GLYATL1: variants seen among roughly 807,000 people sequenced by gnomAD.
GLYATL1 encodes glycine N-acyltransferase-like protein 1.
A neutral mutation model predicts 20.0 loss-of-function variants in GLYATL1; 15 were observed. The ratio of observed to expected loss-of-function variants is 0.75; its 90% CI spans 0.50 to 1.15. The LOEUF (loss-of-function observed/expected upper bound fraction) is 1.15, where lower values mean the gene tolerates loss of function less well. GLYATL1 is among the 50% of genes most tolerant of loss of function. The probability of loss-of-function intolerance (pLI) is 0.00; values close to 1 mark genes in which losing one functional copy is unlikely to be tolerated. For missense variants in GLYATL1, 380 were observed against 368.5 expected (o/e 1.03, Z -0.26); for synonymous variants, 151 against 131.5 (o/e 1.15, Z -1.01).
chr11:58,911,685 T>A (rs1210925904), downstream of GLYATL1, among the ~76,000 whole-genome samples: 1 of 152,356 alleles, frequency 6.6e-6, no homozygotes, highest in East Asian at 1.9e-4. Context: ...TGAGAGGGCT[T>A]TACATATTTT....
intron 4 of GLYATL1, among the ~76,000 whole-genome samples, chr11:58,950,142 T>G (rs1306224393): frequency 3.6e-5 from 2 of 55,512 alleles, no homozygotes; most frequent in African/African-American, 1.4e-4. Context: ...AAAAAAAAAA[T>G]TAGCCGGGCG....
Position 58,948,028 on chromosome 11 carries a change from G to T in GLYATL1, c.186+63G>T, listed in dbSNP as rs866510069. The T allele has an allele frequency of 3.6e-5, 38 of 1,049,302 alleles. 1 individual carries two copies. The Middle Eastern group carries it at 1.2e-3, about 33-fold the overall frequency. 65.0% of individuals were successfully genotyped at this position (1,049,302 alleles called of 1,614,324 possible). A position where few individuals can be genotyped will look rare whatever the true frequency, so the allele number is the denominator to read the frequency against. On this transcript the variant is annotated intron_variant, in intron 4 of 6. Transcript: ENST00000532726. Reference sequence around the variant, plus strand: ...TCCACAGGGCCTGAGGAACTGACCAGTTCAGACACCATGGCTGCTTTTATA... The same window carrying T: ...TCCACAGGGCCTGAGGAACTGACCATTTCAGACACCATGGCTGCTTTTATA...
At chr11:58,914,432 A>C (rs752878120) in intron 1 of GLYATL1, among the ~76,000 whole-genome samples, 2 of 152,178 alleles carry the variant, frequency 1.3e-5, no homozygotes, top group Non-Finnish European at 2.9e-5. Flanking sequence ...TGGCTCCCCA[A>C]AGACAGGTCT....
upstream of GLYATL1, among the ~76,000 whole-genome samples, chr11:58,937,356 G>T (rs567975280): frequency 2.0e-5 from 3 of 152,290 alleles, no homozygotes; most frequent in Non-Finnish European, 4.4e-5. Flanking sequence ...AGCATTGCTG[G>T]GGAACCACAG....
exon 2 of GLYATL1, chr11:58,908,489 G>C (rs1232736493): frequency 4.8e-6 from 1 of 208,946 alleles, no homozygotes; most frequent in Non-Finnish European, 1.1e-5. Context: ...AAGACTGAAG[G>C]GAACAAGTCA....
At chr11:58,913,022 G>A (rs1855088157), downstream of GLYATL1, among the ~76,000 whole-genome samples, 4 of 152,300 alleles carry the variant, frequency 2.6e-5, no homozygotes, top group South Asian at 8.3e-4. Flanking sequence ...CATACAGAAT[G>A]GTGAGTACAC....
upstream of GLYATL1, chr11:58,935,383 C>T (rs1189780578): frequency 6.6e-6 from 1 of 152,214 alleles, no homozygotes; most frequent in Non-Finnish European, 1.5e-5. Context: ...GAGATTGCCT[C>T]TCTCTGTGCC....
chr11:58,943,630 G>T lies in GLYATL1; in HGVS notation c.-79G>T, dbSNP rs1047399764. 6.2e-7 allele frequency: 1 copy of T among 1,613,540 alleles called. No individual in the cohort carries two copies. Among genetic ancestry groups the T allele is most frequent in the Non-Finnish European group, 8.5e-7 (1 of 1,179,624 alleles). ...CGGAAGGTACCTGCAGGATCCAATT[G>T]TGTCCATTGATCTCTCAGAGTGGCT... On this transcript the variant is annotated 5_prime_UTR_variant, in exon 2 of 7. Coordinates refer to ENST00000532726, the MANE Select transcript of GLYATL1 (RefSeq NM_001389712.2).
chr11:58,952,705 C>CCTTT (rs1481913376), intron 4 of GLYATL1, among the ~76,000 whole-genome samples: 1 of 152,138 alleles, frequency 6.6e-6, no homozygotes, highest in Non-Finnish European at 1.5e-5. Context: ...TAACCCAGCC[C>CCTTT]CTTTTACTCC....
chr11:58,929,889 GC>G (rs1225152484), intron 1 of GLYATL1, among the ~76,000 whole-genome samples: 1 of 152,168 alleles, frequency 6.6e-6, no homozygotes, highest in African/African-American at 2.4e-5. Flanking sequence ...ATGGCCTAGA[GC>G]CTCTCTTCAG....
intron 1 of GLYATL1, among the ~76,000 whole-genome samples, chr11:58,940,070 T>C (rs1195602830): frequency 6.6e-6 from 1 of 152,198 alleles, no homozygotes; most frequent in African/African-American, 2.4e-5. Flanking sequence ...ACTGACACTC[T>C]TTTGTAACAC....
intron 1 of GLYATL1, among the ~76,000 whole-genome samples, chr11:58,915,128 T>C (rs1229428560): frequency 6.6e-6 from 1 of 152,248 alleles, no homozygotes; most frequent in Non-Finnish European, 1.5e-5. Context: ...CTCTAAATTC[T>C]GCTGATTCAA....
At chr11:58,944,646 C>G (rs1856435972) in intron 2 of GLYATL1, among the ~76,000 whole-genome samples, 1 of 152,064 alleles carries the variant, frequency 6.6e-6, no homozygotes, top group African/African-American at 2.4e-5. Context: ...TGTCCACATG[C>G]AAACATAATT....
downstream of GLYATL1, among the ~76,000 whole-genome samples, chr11:58,913,486 G>T (rs949707876): frequency 6.6e-6 from 1 of 152,208 alleles, no homozygotes; most frequent in Non-Finnish European, 1.5e-5. Context: ...CAGCACAGTG[G>T]TGAGTACATA....
upstream of GLYATL1, chr11:58,935,425 A>G (rs1224214058): frequency 6.6e-6 from 1 of 152,232 alleles, no homozygotes; most frequent in African/African-American, 2.4e-5. Context: ...GGGGTGACAC[A>G]GGAAATGAAA....
At chr11:58,932,613 T>C (rs1855652980) in intron 1 of GLYATL1, among the ~76,000 whole-genome samples, 1 of 152,236 alleles carries the variant, frequency 6.6e-6, no homozygotes, top group Non-Finnish European at 1.5e-5. Flanking sequence ...CAGTTGATTC[T>C]TCAGTGAATT....
At chr11:58,909,085 T>C (rs747365420), downstream of GLYATL1, among the ~76,000 whole-genome samples, 13 of 152,136 alleles carry the variant, frequency 8.5e-5, no homozygotes, top group Non-Finnish European at 1.8e-4. Context: ...TAATACTAAA[T>C]TGAGACATAA....
Position 58,943,599 on chromosome 11 carries a change from T to A in GLYATL1, c.-110T>A. Reference sequence around the variant, plus strand: ...TTCTAGTATCCCCAGGAGCGCGAAGTGAACACGGAAGGTACCTGCAGGATC... The same window carrying A: ...TTCTAGTATCCCCAGGAGCGCGAAGAGAACACGGAAGGTACCTGCAGGATC... On this transcript the variant is annotated 5_prime_UTR_variant, in exon 2 of 7. Transcript: ENST00000532726. The A allele has an allele frequency of 6.2e-7, 1 of 1,613,606 alleles. No individual in the cohort carries two copies. Among genetic ancestry groups the A allele is most frequent in the Non-Finnish European group, 8.5e-7 (1 of 1,179,580 alleles).
chr11:58,927,986 A>T (rs1452124176), intron 1 of GLYATL1, among the ~76,000 whole-genome samples: 4 of 152,128 alleles, frequency 2.6e-5, no homozygotes, highest in Non-Finnish European at 4.4e-5. Flanking sequence ...CCATAACGTT[A>T]AAGCTGTTAC....
Sources: allele counts gnomAD v4.1 joint callset (sites outside exome capture counted in the v4.1 genomes callset), GRCh38; gene constraint gnomAD v4.1.1; transcripts MANE v1.5; gene names NCBI Gene and HGNC (gene_info 2026-07-23, HGNC 2026-07-21).